PTPRG: variants seen among roughly 807,000 people sequenced by gnomAD.
PTPRG encodes protein tyrosine phosphatase receptor type G.
A neutral mutation model predicts 165.3 loss-of-function variants in PTPRG; 102 were observed. That is an observed-to-expected ratio of 0.62 (90% CI 0.53 to 0.73). The LOEUF is 0.73. PTPRG is among the 30% of genes least tolerant of loss of function. The pLI, the probability that PTPRG is intolerant of heterozygous loss-of-function variation, is 0.00. For missense variants in PTPRG, 1,866 were observed against 1,861.4 expected, an observed-to-expected ratio of 1.00 and a Z score of -0.05; for synonymous variants, 675 against 669.5, an observed-to-expected ratio of 1.01 and a Z score of -0.13.
intron 2 of PTPRG, among the ~76,000 whole-genome samples, chr3:61,871,499 C>T (rs2037582605): frequency 6.6e-6 from 1 of 152,092 alleles, no homozygotes; most frequent in Admixed American, 6.6e-5. Flanking sequence ...CTACCACACC[C>T]GGCCCCTTTT....
chr3:62,180,909 T>G (rs1413257092), intron 8 of PTPRG, among the ~76,000 whole-genome samples: 1 of 152,204 alleles, frequency 6.6e-6, no homozygotes, highest in African/African-American at 2.4e-5. Context: ...TCCCAGATAC[T>G]GCCTATTTCT....
intron 5 of PTPRG, among the ~76,000 whole-genome samples, chr3:62,117,127 G>A (rs540429789): frequency 6.6e-6 from 1 of 152,230 alleles, no homozygotes; most frequent in Non-Finnish European, 1.5e-5. Context: ...AGAACCTGGT[G>A]ACCCAATTAT....
chr3:61,617,636 C>T (rs1201673182), intron 1 of PTPRG, among the ~76,000 whole-genome samples: 1 of 152,190 alleles, frequency 6.6e-6, no homozygotes, highest in African/African-American at 2.4e-5. Context: ...CAGCTTTCAA[C>T]CTCCCTCTTG....
At chr3:61,747,170 G>A (rs1338177780) in intron 1 of PTPRG, among the ~76,000 whole-genome samples, 1 of 152,132 alleles carries the variant, frequency 6.6e-6, no homozygotes, top group Non-Finnish European at 1.5e-5. Context: ...GCTGAGTTAG[G>A]TGCTCTGCTC....
intron 6 of PTPRG, among the ~76,000 whole-genome samples, chr3:62,154,867 T>C (rs1341564970): frequency 6.6e-6 from 1 of 152,156 alleles, no homozygotes; most frequent in Admixed American, 6.5e-5. Context: ...GGTGGTAGTT[T>C]TGCAGTTGGT....
rs751693280 is a variant in PTPRG at position 62,191,517 on chromosome 3, C to T, written c.1082C>T (p.Thr361Met). The T allele has an allele frequency of 1.4e-5, 22 of 1,614,028 alleles. No homozygotes were observed. The highest frequency in any genetic ancestry group is 8.0e-5 in the African/African-American group (6 of 74,930). ...ATGAAGGTGCAGCCTCTGAACCAGA[C>T]GGCACTGCAGGTGTCCTGGAGCCAG... is the stretch of plus-strand genomic sequence containing the variant. ...IHMKVQPLNQ[T>M]ALQVSWSQPE... Residue 361 changes from threonine (T) to methionine (M), a missense_variant, in exon 9 of 30, where the codon ACG (threonine) becomes ATG (methionine). Transcript: ENST00000474889.
chr3:61,806,024 G>A (rs2035403747), intron 2 of PTPRG, among the ~76,000 whole-genome samples: 2 of 152,106 alleles, frequency 1.3e-5, no homozygotes, highest in Admixed American at 1.3e-4. Context: ...TTAGTATATG[G>A]TGACCTAATT....
At chr3:61,640,621 C>T (rs1164832276) in intron 1 of PTPRG, among the ~76,000 whole-genome samples, 1 of 152,200 alleles carries the variant, frequency 6.6e-6, no homozygotes, top group African/African-American at 2.4e-5. Flanking sequence ...TAGCAAGGGT[C>T]TGAGCTGTCT....
chr3:61,907,415 T>C (rs1358156295), intron 2 of PTPRG, among the ~76,000 whole-genome samples: 1 of 152,198 alleles, frequency 6.6e-6, no homozygotes, highest in Non-Finnish European at 1.5e-5. Context: ...CCCTCCTGAT[T>C]CTTCTCAGCA....
intron 5 of PTPRG, among the ~76,000 whole-genome samples, chr3:62,087,167 T>G (rs1411966341): frequency 6.6e-6 from 1 of 152,224 alleles, no homozygotes; most frequent in African/African-American, 2.4e-5. Context: ...GTAACCTTAC[T>G]ATGACAGATG....
At chr3:62,201,396 T>A in intron 10 of PTPRG, 109 bp from the exon 11 acceptor site, 1 of 891,442 alleles carries the variant, frequency 1.1e-6, no homozygotes, top group Non-Finnish European at 1.7e-6. Context: ...CAGAATAATA[T>A]TTTGACATGT....
At chr3:61,804,114 C>T (rs1485020158) in intron 2 of PTPRG, among the ~76,000 whole-genome samples, 1 of 152,232 alleles carries the variant, frequency 6.6e-6, no homozygotes, top group East Asian at 1.9e-4. Flanking sequence ...CTTGGGCTTT[C>T]TGTAAGTAAA....
At chr3:61,634,729 C>T (rs986702301) in intron 1 of PTPRG, among the ~76,000 whole-genome samples, 1 of 152,160 alleles carries the variant, frequency 6.6e-6, no homozygotes, top group Non-Finnish European at 1.5e-5. Context: ...GCATTTGTTA[C>T]AGAGTTAACC....
intron 7 of PTPRG, among the ~76,000 whole-genome samples, chr3:62,167,722 T>C (rs11130878): frequency 0.28 from 41,942 of 151,990 alleles, 6,299 homozygotes; most frequent in African/African-American, 0.39. Context: ...GAGTGCGGTA[T>C]AGCCCTCAAA....
chr3:61,800,384 A>G (rs73084079), intron 2 of PTPRG, among the ~76,000 whole-genome samples: 7,550 of 152,132 alleles, frequency 0.05, 244 homozygotes, highest in South Asian at 0.17. Context: ...TAGAGGATAA[A>G]GAGTTTTTAC....
At chr3:61,748,656 G>C (rs1294088434) in intron 1 of PTPRG, among the ~76,000 whole-genome samples, 2 of 151,844 alleles carry the variant, frequency 1.3e-5, no homozygotes, top group Non-Finnish European at 2.9e-5. Context: ...GCACTTCTTG[G>C]CACAAAGTAA....
chr3:62,093,311 A>C (rs938340371), intron 5 of PTPRG, among the ~76,000 whole-genome samples: 1 of 151,588 alleles, frequency 6.6e-6, no homozygotes, highest in Non-Finnish European at 1.5e-5. Flanking sequence ...CATGTTCTCA[A>C]CTCCTGAGGT....
intron 20 of PTPRG, among the ~76,000 whole-genome samples, chr3:62,270,155 T>C (rs1202103172): frequency 6.6e-6 from 1 of 152,104 alleles, no homozygotes; most frequent in Non-Finnish European, 1.5e-5. Flanking sequence ...TCCACAGAAC[T>C]TAGGTATGGC....
intron 8 of PTPRG, among the ~76,000 whole-genome samples, chr3:62,173,035 G>C (rs926981999): frequency 2.6e-5 from 4 of 152,166 alleles, no homozygotes; most frequent in African/African-American, 9.7e-5. Context: ...ATTGGTTCCA[G>C]GACCCCTACG....
Sources: allele counts gnomAD v4.1 joint callset (sites outside exome capture counted in the v4.1 genomes callset), GRCh38; gene constraint gnomAD v4.1.1; transcripts MANE v1.5; gene names NCBI Gene and HGNC (gene_info 2026-07-23, HGNC 2026-07-21).